SCGN: variants seen among roughly 807,000 people sequenced by gnomAD.
The protein encoded by SCGN is secretagogin.
A neutral mutation model predicts 39.7 loss-of-function variants in SCGN; 30 were observed. That is an observed-to-expected ratio of 0.76 (90% CI 0.57 to 1.03). The LOEUF (loss-of-function observed/expected upper bound fraction) is 1.03, where lower values mean the gene tolerates loss of function less well. Ranked by LOEUF, SCGN falls within the 50% of genes least tolerant of loss-of-function variation. The probability of loss-of-function intolerance (pLI) is 0.00; values close to 1 mark genes in which losing one functional copy is unlikely to be tolerated. For synonymous variants in SCGN, 106 were observed against 114.1 expected (o/e 0.93, Z 0.45); for missense variants, 353 against 349.4 (o/e 1.01, Z -0.08).
At chr6:25,686,925 T>C (rs937792782) in intron 7 of SCGN, among the ~76,000 whole-genome samples, 1 of 152,196 alleles carries the variant, frequency 6.6e-6, no homozygotes, top group African/African-American at 2.4e-5. Flanking sequence ...GATATCTACT[T>C]GTCCCAACAC....
At chr6:25,667,990 C>A (rs79169315) in intron 4 of SCGN, among the ~76,000 whole-genome samples, 1 of 152,162 alleles carries the variant, frequency 6.6e-6, no homozygotes, top group Non-Finnish European at 1.5e-5. Flanking sequence ...GATTTTGTAA[C>A]TGGACTAAAT....
intron 4 of SCGN, among the ~76,000 whole-genome samples, chr6:25,666,432 C>T (rs1760426624): frequency 6.6e-6 from 1 of 152,064 alleles, no homozygotes; most frequent in Non-Finnish European, 1.5e-5. Flanking sequence ...GTTTTCTGTA[C>T]AATGATGTTC....
chr6:25,691,634 T>C (rs1759774554), intron 10 of SCGN, among the ~76,000 whole-genome samples: 1 of 152,210 alleles, frequency 6.6e-6, no homozygotes, highest in African/African-American at 2.4e-5. Flanking sequence ...CACAGCTGTT[T>C]TATGTAGGAT....
chr6:25,667,470 A>C (rs561560123), intron 4 of SCGN, among the ~76,000 whole-genome samples: 2 of 152,188 alleles, frequency 1.3e-5, no homozygotes, highest in Non-Finnish European at 2.9e-5. Flanking sequence ...CCCCTGAACC[A>C]CAGGGTCTTA....
chr6:25,685,627 GA>G (rs967525963), intron 7 of SCGN, among the ~76,000 whole-genome samples: 1 of 151,906 alleles, frequency 6.6e-6, no homozygotes, highest in Admixed American at 6.6e-5. Context: ...TGAATTTACT[GA>G]AACTGACTGT....
intron 7 of SCGN, among the ~76,000 whole-genome samples, chr6:25,687,878 T>G (rs1021953094): frequency 6.6e-6 from 1 of 152,214 alleles, no homozygotes; most frequent in African/African-American, 2.4e-5. Context: ...TCTTAGTGGT[T>G]GTCTGCTAGA....
intron 6 of SCGN, among the ~76,000 whole-genome samples, chr6:25,673,724 C>T (rs900261297): frequency 6.6e-5 from 10 of 152,190 alleles, no homozygotes; most frequent in African/African-American, 2.4e-4. Context: ...CTAAATTGTC[C>T]CATGGAGACA....
chr6:25,689,085 T>C, intron 7 of SCGN, 87 bp from the exon 8 acceptor site: 1 of 844,630 alleles, frequency 1.2e-6, no homozygotes, highest in Non-Finnish European at 1.9e-6. Flanking sequence ...GGAAATTGCC[T>C]GTACTTTCCA....
intron 10 of SCGN, among the ~76,000 whole-genome samples, chr6:25,695,360 C>A (rs1455424046): frequency 6.6e-6 from 1 of 152,152 alleles, no homozygotes; most frequent in Admixed American, 6.5e-5. Flanking sequence ...ACTTATCCAT[C>A]ACCTGCAAAC....
intron 9 of SCGN, among the ~76,000 whole-genome samples, chr6:25,690,582 T>A (rs1759762635): frequency 6.6e-6 from 1 of 152,138 alleles, no homozygotes; most frequent in African/African-American, 2.4e-5. Flanking sequence ...AAATAAAGGG[T>A]CTCATGTACA....
At chr6:25,691,782 C>T (rs934963527) in intron 10 of SCGN, among the ~76,000 whole-genome samples, 2 of 152,100 alleles carry the variant, frequency 1.3e-5, no homozygotes, top group South Asian at 4.1e-4. Flanking sequence ...TCTTGTATCC[C>T]TAGGGATTTT....
chr6:25,699,882 G>A (rs891084693), intron 10 of SCGN, among the ~76,000 whole-genome samples: 7 of 152,054 alleles, frequency 4.6e-5, no homozygotes, highest in African/African-American at 1.7e-4. Context: ...AGAAAAAGGT[G>A]CTGGTTTTCA....
rs751749420 is a variant in SCGN, at chr6:25,701,293, G to A, written c.789G>A (p.Lys263=). The A allele has an allele frequency of 4.3e-6, 7 of 1,613,456 alleles. No homozygotes were observed. Among genetic ancestry groups the A allele is most frequent in the African/African-American group, 1.3e-5 (1 of 74,904 alleles). ...TGAACAAGGATGGAAAAATTCAGAA[G>A]TCTGAGCTGGCTTTGTGTCTTGGGC... ...CDVNKDGKIQ[K]SELALCLGLK... Residue 263 remains lysine (K), a synonymous_variant, in exon 11 of 11, where the codon AAG becomes AAA. Coordinates refer to ENST00000377961, the MANE Select transcript of SCGN (RefSeq NM_006998.4).
intron 6 of SCGN, among the ~76,000 whole-genome samples, chr6:25,680,980 A>G (rs1759630317): frequency 6.6e-6 from 1 of 152,180 alleles, no homozygotes; most frequent in Non-Finnish European, 1.5e-5. Flanking sequence ...TTCCCTGTGC[A>G]GCCTCCTTAT....
At chr6:25,676,704 T>C (rs1759566759) in intron 6 of SCGN, among the ~76,000 whole-genome samples, 1 of 152,214 alleles carries the variant, frequency 6.6e-6, no homozygotes, top group African/African-American at 2.4e-5. Context: ...GCATTTAACA[T>C]AGGTAACATG....
intron 10 of SCGN, among the ~76,000 whole-genome samples, chr6:25,700,119 A>G (rs371449839): frequency 4.2e-4 from 64 of 151,428 alleles, no homozygotes; most frequent in Non-Finnish European, 8.0e-4. Context: ...ATGGCGGGTG[A>G]CTGTAAGCCC....
chr6:25,656,652 G>T (rs2151376582), intron 2 of SCGN, among the ~76,000 whole-genome samples: 1 of 152,236 alleles, frequency 6.6e-6, no homozygotes, highest in Non-Finnish European at 1.5e-5. Context: ...CCCTGCTGTA[G>T]CCTAGCGTCT....
In SCGN at chr6:25,701,221, G is replaced by A; in HGVS notation, c.717G>A (p.Gly239=). The A allele has an allele frequency of 6.2e-7, 1 of 1,612,426 alleles. No homozygotes were observed. The highest frequency in any genetic ancestry group is 8.5e-7 in the Non-Finnish European group (1 of 1,179,356). Residue 239 remains glycine, a synonymous_variant, in exon 11 of 11, where the codon GGG becomes GGA. Coordinates refer to ENST00000377961, the MANE Select transcript of SCGN (RefSeq NM_006998.4). ...MMELVQPSIS[G]VDLDKFREIL... is the part of the protein sequence containing the mutation. The stretch of plus-strand genomic sequence containing the variant: ...GTCGCCCTCAGCCCAGCATCAGCGG[G>A]GTGGACCTTGATAAGTTCCGCGAGA...
intron 7 of SCGN, among the ~76,000 whole-genome samples, chr6:25,684,259 A>T (rs1483337633): frequency 6.6e-6 from 1 of 152,132 alleles, no homozygotes; most frequent in Non-Finnish European, 1.5e-5. Flanking sequence ...GAATTGATGG[A>T]GTTACAGTAG....
Sources: allele counts gnomAD v4.1 joint callset (sites outside exome capture counted in the v4.1 genomes callset), GRCh38; gene constraint gnomAD v4.1.1; transcripts MANE v1.5; gene names NCBI Gene and HGNC (gene_info 2026-07-23, HGNC 2026-07-21).